The following KCNIP4 variants were observed in gnomAD, a reference collection of about 807,000 sequenced individuals.
KCNIP4 encodes the protein Kv channel-interacting protein 4.
A neutral mutation model predicts 34.0 loss-of-function variants in KCNIP4; 12 were observed. The ratio of observed to expected loss-of-function variants is 0.35; its 90% confidence interval spans 0.23 to 0.57. The LOEUF is 0.57. Ranked by LOEUF, KCNIP4 falls within the 20% of genes least tolerant of loss-of-function variation. KCNIP4 has a pLI of 0.83. For missense variants in KCNIP4, 238 were observed against 311.7 expected, an observed-to-expected ratio of 0.76 and a Z score of 1.78; for synonymous variants, 124 against 102.2, an observed-to-expected ratio of 1.21 and a Z score of -1.29.
intron 1 of KCNIP4, among the ~76,000 whole-genome samples, chr4:21,612,989 G>T (rs1311172147): frequency 6.6e-6 from 1 of 152,124 alleles, no homozygotes; most frequent in East Asian, 1.9e-4. Flanking sequence ...GCCGTTCAAA[G>T]GTATGTAGAG....
chr4:21,047,703 T>C (rs1160979295), intron 1 of KCNIP4, among the ~76,000 whole-genome samples: 1 of 152,250 alleles, frequency 6.6e-6, no homozygotes, highest in African/African-American at 2.4e-5. Flanking sequence ...TCCAATCTAA[T>C]TCCACATGCC....
chr4:21,108,958 A>T (rs1200116278), intron 1 of KCNIP4, among the ~76,000 whole-genome samples: 1 of 152,104 alleles, frequency 6.6e-6, no homozygotes, highest in Non-Finnish European at 1.5e-5. Context: ...TTCCTCTGGA[A>T]GTTTTGTCTC....
chr4:21,462,598 C>A (rs1729553347), intron 1 of KCNIP4, among the ~76,000 whole-genome samples: 1 of 152,208 alleles, frequency 6.6e-6, no homozygotes, highest in South Asian at 2.1e-4. Context: ...CTATTCAATT[C>A]TCTACATCAG....
intron 1 of KCNIP4, among the ~76,000 whole-genome samples, chr4:20,907,288 T>G (rs1216394183): frequency 6.6e-6 from 1 of 152,166 alleles, no homozygotes; most frequent in East Asian, 1.9e-4. Flanking sequence ...TAGGTGTTTT[T>G]GGGGTCAACT....
chr4:21,347,941 A>T (rs1717619000), intron 1 of KCNIP4, among the ~76,000 whole-genome samples: 1 of 152,222 alleles, frequency 6.6e-6, no homozygotes, highest in Non-Finnish European at 1.5e-5. Flanking sequence ...TCCACTGGGC[A>T]CACAGCAATA....
chr4:20,791,398 TTG>T (rs1458258942), intron 3 of KCNIP4, among the ~76,000 whole-genome samples: 2 of 152,144 alleles, frequency 1.3e-5, no homozygotes, highest in East Asian at 1.9e-4. Context: ...AATAAAATAT[TTG>T]TCTTTATTAT....
intron 1 of KCNIP4, among the ~76,000 whole-genome samples, chr4:21,878,820 CAA>C (rs1236486559): frequency 1.3e-5 from 2 of 152,062 alleles, no homozygotes; most frequent in Non-Finnish European, 2.9e-5. Context: ...CTCGTTTTTA[CAA>C]AAAGGACAGT....
chr4:21,321,078 C>G (rs1296390672), intron 1 of KCNIP4, among the ~76,000 whole-genome samples: 1 of 151,418 alleles, frequency 6.6e-6, no homozygotes, highest in African/African-American at 2.4e-5. Context: ...GGAAAAAATG[C>G]ATTTTTTAAT....
chr4:21,609,612 A>T (rs574120338), intron 1 of KCNIP4, among the ~76,000 whole-genome samples: 1 of 152,328 alleles, frequency 6.6e-6, no homozygotes, highest in Admixed American at 6.5e-5. Context: ...AGCAACAAGT[A>T]ATCACAATGA....
chr4:20,864,727 A>G (rs565340147), intron 2 of KCNIP4, among the ~76,000 whole-genome samples: 2 of 152,242 alleles, frequency 1.3e-5, no homozygotes, highest in South Asian at 2.1e-4. Flanking sequence ...AGGGGTATTG[A>G]GTCCAGCCCC....
chr4:21,397,046 A>G (rs147578347), intron 1 of KCNIP4, among the ~76,000 whole-genome samples: 199 of 152,360 alleles, frequency 1.3e-3, no homozygotes, highest in Non-Finnish European at 1.4e-3. Context: ...TAATATTTAC[A>G]TGGCATCTGC....
intron 1 of KCNIP4, among the ~76,000 whole-genome samples, chr4:21,309,563 G>A (rs1349468030): frequency 6.6e-6 from 1 of 152,188 alleles, no homozygotes; most frequent in Non-Finnish European, 1.5e-5. Flanking sequence ...GCTCATGTGT[G>A]TAGAATAATC....
intron 1 of KCNIP4, among the ~76,000 whole-genome samples, chr4:20,979,760 C>T (rs928594986): frequency 6.6e-6 from 1 of 151,838 alleles, no homozygotes; most frequent in Admixed American, 6.6e-5. Flanking sequence ...CTACCTAAAA[C>T]ATGGATCTGT....
intron 1 of KCNIP4, among the ~76,000 whole-genome samples, chr4:21,629,089 G>C (rs1273329483): frequency 6.6e-6 from 1 of 152,180 alleles, no homozygotes; most frequent in East Asian, 1.9e-4. Context: ...CAAGCCACGA[G>C]AGGTAGGCTG....
At chr4:21,855,773 C>G (rs1422820384) in intron 1 of KCNIP4, 2 of 152,210 alleles carry the variant, frequency 1.3e-5, no homozygotes, top group African/African-American at 2.4e-5. Flanking sequence ...TATAATCCAT[C>G]TGGACAGTCT....
At chr4:20,858,689 G>C (rs991150178) in intron 2 of KCNIP4, among the ~76,000 whole-genome samples, 4 of 152,182 alleles carry the variant, frequency 2.6e-5, no homozygotes, top group African/African-American at 9.7e-5. Context: ...GTCTCCAGCA[G>C]CCCAAAGTCC....
chr4:21,151,405 A>ATTTTTT lies in KCNIP4; in HGVS notation c.62-268697_62-268696insAAAAAA, dbSNP rs1491541435. On this transcript the variant is annotated intron_variant, in intron 1 of 8. Coordinates refer to ENST00000382152, the MANE Select transcript of KCNIP4 (RefSeq NM_025221.6). The stretch of plus-strand genomic sequence containing the variant: ...AGAATGGATGTCTTCAACAAAAGAC[A>ATTTTTT]ATTTTTTTTTTTTTTTTTTTTTTTT... 2.9e-3 allele frequency among the ~76,000 whole-genome samples: 270 copies of ATTTTTT among 93,482 alleles called. 49 individuals carry two copies. The highest frequency in any genetic ancestry group is 9.8e-3 in the African/African-American group (241 of 24,698). 61.3% of individuals were successfully genotyped at this position (93,482 alleles called of 152,430 possible).
chr4:21,572,247 C>T (rs551562302), intron 1 of KCNIP4, among the ~76,000 whole-genome samples: 1 of 152,190 alleles, frequency 6.6e-6, no homozygotes, highest in East Asian at 1.9e-4. Flanking sequence ...TGTGATAGGA[C>T]CAGTTTTGAA....
intron 1 of KCNIP4, among the ~76,000 whole-genome samples, chr4:21,213,712 T>C (rs148523745): frequency 2.0e-5 from 3 of 152,296 alleles, no homozygotes; most frequent in African/African-American, 7.2e-5. Flanking sequence ...GCCCAAGTTA[T>C]TTTCAGTTAA....
Sources: allele counts gnomAD v4.1 joint callset (sites outside exome capture counted in the v4.1 genomes callset), GRCh38; gene constraint gnomAD v4.1.1; transcripts MANE v1.5; gene names NCBI Gene and HGNC (gene_info 2026-07-23, HGNC 2026-07-21).